The following DSCAM variants were observed in gnomAD, a reference collection of about 807,000 sequenced individuals.
DSCAM encodes the protein DS cell adhesion molecule, also known as cell adhesion molecule DSCAM.
A neutral mutation model predicts 217.7 loss-of-function variants in DSCAM; 47 were observed. That is an observed-to-expected ratio of 0.22 (90% CI 0.17 to 0.28). The LOEUF (loss-of-function observed/expected upper bound fraction) is 0.28. Ranked by LOEUF, DSCAM falls within the 10% of genes least tolerant of loss-of-function variation. The probability of loss-of-function intolerance (pLI) is 1.00; values close to 1 mark genes in which losing one functional copy is unlikely to be tolerated. For synonymous variants in DSCAM, 1,056 were observed against 1,015.3 expected (o/e 1.04, Z -0.76); for missense variants, 2,080 against 2,618.3 (o/e 0.79, Z 4.49).
At chr21:40,437,752 G>A (rs570336389) in intron 3 of DSCAM, among the ~76,000 whole-genome samples, 1 of 152,144 alleles carries the variant, frequency 6.6e-6, no homozygotes, top group Non-Finnish European at 1.5e-5. Context: ...TCGGGAGGCT[G>A]AGGCAGAGAA....
At chr21:40,558,486 T>G (rs1212567310) in intron 3 of DSCAM, among the ~76,000 whole-genome samples, 1 of 151,808 alleles carries the variant, frequency 6.6e-6, no homozygotes, top group East Asian at 1.9e-4. Flanking sequence ...TTAATTTCAC[T>G]TATAAAGCAC....
At chr21:40,487,061 G>C (rs1434214211) in intron 3 of DSCAM, among the ~76,000 whole-genome samples, 2 of 152,110 alleles carry the variant, frequency 1.3e-5, no homozygotes, top group Admixed American at 6.5e-5. Context: ...CAGAGAATAA[G>C]ACCATGAGGA....
intron 11 of DSCAM, among the ~76,000 whole-genome samples, chr21:40,226,958 T>C (rs2091338742): frequency 1.3e-5 from 2 of 152,150 alleles, no homozygotes; most frequent in African/African-American, 4.8e-5. Context: ...TGTCCATGCG[T>C]TCTCCTCATA....
rs550434742 is a variant in DSCAM at position 40,238,944 on chromosome 21, T to C, written c.2356+37153A>G. On this transcript the variant is annotated intron_variant, in intron 11 of 32. Coordinates refer to ENST00000400454, the MANE Select transcript of DSCAM (RefSeq NM_001389.5). ...CTCTTTGCTTGAGAGGCAGCGTCAA[T>C]GCCACTCTGAAAAAAAGTAGATTCT... Among the ~76,000 whole-genome samples the C allele has an allele frequency of 2.0e-5, 3 of 152,316 alleles. No individual in the cohort carries two copies. The East Asian group carries it at 5.8e-4, about 29-fold the overall frequency.
intron 1 of DSCAM, among the ~76,000 whole-genome samples, chr21:40,748,200 T>C (rs1229261059): frequency 2.0e-5 from 3 of 151,910 alleles, no homozygotes; most frequent in African/African-American, 7.2e-5. Flanking sequence ...AACATAGCAC[T>C]GAAGATTCTG....
intron 3 of DSCAM, among the ~76,000 whole-genome samples, chr21:40,432,604 G>T (rs2075545261): frequency 6.6e-6 from 1 of 152,116 alleles, no homozygotes; most frequent in East Asian, 1.9e-4. Context: ...TTGGTGAATG[G>T]GGCATTATTC....
rs8134045 is a variant in DSCAM at position 40,647,071 on chromosome 21, G to T, written c.508+45739C>A. Reference sequence around the variant, plus strand: ...AAGCCACAAATATGCATGGGGCTATGCAAATTTATCACTGTGAGAACAAGT... The same window carrying T: ...AAGCCACAAATATGCATGGGGCTATTCAAATTTATCACTGTGAGAACAAGT... On this transcript the variant is annotated intron_variant, in intron 3 of 32. Coordinates refer to ENST00000400454, the MANE Select transcript of DSCAM (RefSeq NM_001389.5). Among the ~76,000 whole-genome samples the T allele has an allele frequency of 8.5e-3, 1,293 of 152,324 alleles. 14 individuals are homozygous for T. The highest frequency in any genetic ancestry group is 0.029 in the African/African-American group (1,203 of 41,566).
At chr21:40,350,257 C>G (rs1470006899) in intron 5 of DSCAM, among the ~76,000 whole-genome samples, 1 of 152,126 alleles carries the variant, frequency 6.6e-6, no homozygotes, top group Non-Finnish European at 1.5e-5. Context: ...ACACCAAAAG[C>G]AATTGCAACA....
intron 3 of DSCAM, among the ~76,000 whole-genome samples, chr21:40,422,932 T>C (rs1483897068): frequency 2.0e-5 from 3 of 152,230 alleles, no homozygotes; most frequent in Non-Finnish European, 4.4e-5. Flanking sequence ...ACTAAGTAAT[T>C]ATAACGACAC....
chr21:40,460,589 A>G (rs1425698817), intron 3 of DSCAM, among the ~76,000 whole-genome samples: 2 of 152,216 alleles, frequency 1.3e-5, no homozygotes, highest in African/African-American at 4.8e-5. Flanking sequence ...TTAAACTGTG[A>G]GTAAATCCTA....
intron 15 of DSCAM, among the ~76,000 whole-genome samples, chr21:40,175,715 G>C (rs2090716901): frequency 6.6e-6 from 1 of 150,984 alleles, no homozygotes; most frequent in Non-Finnish European, 1.5e-5. Flanking sequence ...TGAACATTCA[G>C]ACCAGGGCAC....
chr21:40,326,389 G>C (rs1454417979), intron 8 of DSCAM, among the ~76,000 whole-genome samples: 1 of 152,192 alleles, frequency 6.6e-6, no homozygotes, highest in East Asian at 1.9e-4. Context: ...AGAGGGCTAT[G>C]TTTCATTGAG....
chr21:40,659,377 C>G (rs2090111977), intron 3 of DSCAM, among the ~76,000 whole-genome samples: 1 of 147,628 alleles, frequency 6.8e-6, no homozygotes, highest in South Asian at 2.1e-4. Flanking sequence ...ATCTATCTAT[C>G]TATCTATCTA....
At chr21:40,074,976 C>T (rs1329046722) in intron 27 of DSCAM, 61 bp downstream of exon 27, 19 of 1,562,130 alleles carry the variant, frequency 1.2e-5, no homozygotes, top group Non-Finnish European at 1.7e-5. Context: ...GCTGGCATCT[C>T]TCCCATTGGC....
At chr21:40,521,475 C>T (rs1171436325) in intron 3 of DSCAM, among the ~76,000 whole-genome samples, 1 of 152,138 alleles carries the variant, frequency 6.6e-6, no homozygotes, top group South Asian at 2.1e-4. Flanking sequence ...GGTGATACCT[C>T]ATTGTGGTTT....
intron 2 of DSCAM, among the ~76,000 whole-genome samples, chr21:40,707,806 T>C (rs1165166545): frequency 1.3e-5 from 2 of 152,220 alleles, no homozygotes; most frequent in Admixed American, 6.5e-5. Context: ...TATATAGCCC[T>C]TGATGTCTGT....
intron 30 of DSCAM, among the ~76,000 whole-genome samples, chr21:40,049,860 G>A (rs960567521): frequency 8.5e-5 from 13 of 152,082 alleles, no homozygotes; most frequent in African/African-American, 3.1e-4. Context: ...CATTATTCTG[G>A]GGCTGACCAT....
chr21:40,454,970 G>C (rs1424488736), intron 3 of DSCAM, among the ~76,000 whole-genome samples: 1 of 152,168 alleles, frequency 6.6e-6, no homozygotes, highest in Non-Finnish European at 1.5e-5. Context: ...GAGAAGTGAA[G>C]TGGAACAACT....
rs781702545 is a variant in DSCAM at position 40,342,624 on chromosome 21, GTGTATA to G, written c.1211-3215_1211-3210del. On this transcript the variant is annotated intron_variant, in intron 6 of 32. Coordinates refer to ENST00000400454, the MANE Select transcript of DSCAM (RefSeq NM_001389.5). ...AGTATGTGTATATGTGTGTGTGTGT[GTGTATA>G]TATATATATATATATATATTTTTTT... 1.1e-3 allele frequency among the ~76,000 whole-genome samples: 82 copies of G among 77,268 alleles called. 3 individuals carry two copies. The Middle Eastern group carries it at 0.029, about 28-fold the overall frequency. 50.7% of individuals were successfully genotyped at this position (77,268 alleles called of 152,430 possible).
Sources: allele counts gnomAD v4.1 joint callset (sites outside exome capture counted in the v4.1 genomes callset), GRCh38; gene constraint gnomAD v4.1.1; transcripts MANE v1.5; gene names NCBI Gene and HGNC (gene_info 2026-07-23, HGNC 2026-07-21).